The following WDPCP variants were observed in gnomAD, a reference collection of about 807,000 sequenced individuals.
The protein encoded by WDPCP is WD repeat containing planar cell polarity effector, also known as WD repeat-containing and planar cell polarity effector protein fritz homolog.
In WDPCP, 71 loss-of-function variants were observed where a neutral mutation model predicts 93.1. The ratio of observed to expected loss-of-function variants is 0.76; its 90% confidence interval spans 0.63 to 0.93. The LOEUF is 0.93. Ranked by LOEUF, WDPCP falls within the 40% of genes least tolerant of loss-of-function variation. WDPCP has a pLI of 0.00. For synonymous variants in WDPCP, 315 were observed against 315.0 expected (o/e 1.00, Z 0.00); for missense variants, 844 against 887.4 (o/e 0.95, Z 0.62).
chr2:63,479,146 A>G (rs1418867628), intron 6 of WDPCP, among the ~76,000 whole-genome samples: 1 of 152,128 alleles, frequency 6.6e-6, no homozygotes, highest in Non-Finnish European at 1.5e-5. Flanking sequence ...AGGAAGAAAT[A>G]GAAACTCTGA....
chr2:63,717,364 A>C, intron 2 of WDPCP: 1 of 473,264 alleles, frequency 2.1e-6, no homozygotes, highest in Non-Finnish European at 4.1e-6. Context: ...CTGGTACATG[A>C]AATGTCAGTT....
In WDPCP at chr2:63,621,984, G is replaced by A. The variant is rs553535391; in HGVS notation, n.488+28675C>T. 2.7e-5 allele frequency among the ~76,000 whole-genome samples: 4 copies of A among 150,556 alleles called. No homozygotes were observed. The East Asian group carries it at 7.8e-4, about 29-fold the overall frequency. ...ACTGGTGCACTGCACCCACTAACTC[G>A]TCATCTAGCATTAGGTATATCTCCC... is the stretch of plus-strand genomic sequence containing the variant. On this transcript the variant is annotated intron_variant and non_coding_transcript_variant, in intron 3 of 4. Transcript: ENST00000467687.
chr2:63,430,677 A>T (rs1696685897), intron 9 of WDPCP, among the ~76,000 whole-genome samples: 1 of 152,102 alleles, frequency 6.6e-6, no homozygotes, highest in Non-Finnish European at 1.5e-5. Context: ...AGGTCAAGAG[A>T]TCGAGACCAT....
chr2:63,170,068 T>C (rs4671460), intron 15 of WDPCP, among the ~76,000 whole-genome samples: 23,409 of 151,240 alleles, frequency 0.15, 2,402 homozygotes, highest in Non-Finnish European at 0.2. Context: ...AATTTTTTTT[T>C]TTTTCAGTAG....
intron 2 of WDPCP, among the ~76,000 whole-genome samples, chr2:63,745,938 T>C (rs1438646989): frequency 6.6e-6 from 1 of 152,182 alleles, no homozygotes. Flanking sequence ...TTAAAATTTT[T>C]GTTAATCTGA....
intron 2 of WDPCP, among the ~76,000 whole-genome samples, chr2:63,791,161 C>T (rs968657287): frequency 2.6e-5 from 4 of 152,076 alleles, no homozygotes; most frequent in African/African-American, 9.7e-5. Flanking sequence ...TATCATTTAG[C>T]CCCACATATA....
chr2:63,323,518 C>T (rs1312471165), intron 12 of WDPCP, among the ~76,000 whole-genome samples: 1 of 152,144 alleles, frequency 6.6e-6, no homozygotes, highest in East Asian at 1.9e-4. Flanking sequence ...TTGTATCCTT[C>T]CTATTCATAT....
intron 3 of WDPCP, among the ~76,000 whole-genome samples, chr2:63,639,060 A>G (rs949280063): frequency 2.6e-5 from 4 of 152,254 alleles, no homozygotes; most frequent in Non-Finnish European, 5.9e-5. Flanking sequence ...AATTCATCCA[A>G]TATGAAATAG....
intron 3 of WDPCP, among the ~76,000 whole-genome samples, chr2:63,625,276 G>C (rs916646771): frequency 1.3e-5 from 2 of 152,158 alleles, no homozygotes; most frequent in African/African-American, 4.8e-5. Flanking sequence ...CACAAGACAA[G>C]GATGCTCTCT....
At chr2:63,617,212 T>G (rs543907926) in intron 3 of WDPCP, among the ~76,000 whole-genome samples, 2 of 152,222 alleles carry the variant, frequency 1.3e-5, no homozygotes, top group African/African-American at 4.8e-5. Context: ...GGAGTGATAA[T>G]GTAGACCAGC....
chr2:63,336,368 TCTGA>T (rs1162939065), intron 12 of WDPCP, among the ~76,000 whole-genome samples: 1 of 152,190 alleles, frequency 6.6e-6, no homozygotes, highest in Non-Finnish European at 1.5e-5. Context: ...ACCTAATTGC[TCTGA>T]CTAGCAGTTC....
At chr2:63,317,720 G>T (rs1336488977) in intron 12 of WDPCP, among the ~76,000 whole-genome samples, 1 of 152,160 alleles carries the variant, frequency 6.6e-6, no homozygotes, top group East Asian at 1.9e-4. Flanking sequence ...GTATACAGAT[G>T]ATTGAAACTA....
At chr2:63,183,735 C>T (rs571248814) in intron 14 of WDPCP, among the ~76,000 whole-genome samples, 1 of 152,106 alleles carries the variant, frequency 6.6e-6, no homozygotes, top group African/African-American at 2.4e-5. Context: ...TTGAAGTCTC[C>T]CACCATTATT....
intron 3 of WDPCP, 114 bp downstream of exon 3, chr2:63,487,333 T>C: frequency 2.7e-6 from 2 of 751,488 alleles, no homozygotes; most frequent in Non-Finnish European, 4.3e-6. Flanking sequence ...GGGACTTTTC[T>C]TAAAATTCTA....
At chr2:63,795,309 G>C (rs1290378238) in intron 2 of WDPCP, among the ~76,000 whole-genome samples, 1 of 152,082 alleles carries the variant, frequency 6.6e-6, no homozygotes, top group Admixed American at 6.6e-5. Context: ...ACATTTCATT[G>C]AACTATCACT....
At chr2:63,152,818 CAATA>C in intron 17 of WDPCP, 92 bp downstream of exon 17, 1 of 1,160,804 alleles carries the variant, frequency 8.6e-7, no homozygotes, top group Non-Finnish European at 1.3e-6. Context: ...TAATGTAGAC[CAATA>C]GATAGCATTT....
At chr2:63,616,692 T>G (rs1451665165) in intron 3 of WDPCP, among the ~76,000 whole-genome samples, 1 of 151,984 alleles carries the variant, frequency 6.6e-6, no homozygotes, top group Non-Finnish European at 1.5e-5. Flanking sequence ...AGAATGCAAA[T>G]AAGTAGCATT....
chr2:63,468,612 C>T (rs1023249952), intron 6 of WDPCP, among the ~76,000 whole-genome samples: 8 of 152,150 alleles, frequency 5.3e-5, no homozygotes, highest in African/African-American at 1.9e-4. Flanking sequence ...GCTTGTTATT[C>T]TCACTTAGAA....
chr2:63,510,176 T>G (rs1702139844), intron 1 of WDPCP, among the ~76,000 whole-genome samples: 1 of 151,918 alleles, frequency 6.6e-6, no homozygotes, highest in Non-Finnish European at 1.5e-5. Context: ...AATGCAAAAA[T>G]CCTTATACAA....
Sources: allele counts gnomAD v4.1 joint callset (sites outside exome capture counted in the v4.1 genomes callset), GRCh38; gene constraint gnomAD v4.1.1; transcripts MANE v1.5; gene names NCBI Gene and HGNC (gene_info 2026-07-23, HGNC 2026-07-21).